INVS: variants seen among roughly 807,000 people sequenced by gnomAD.
INVS encodes inversin.
In INVS, 86 loss-of-function variants were observed where a neutral mutation model predicts 108.8. The ratio of observed to expected loss-of-function variants is 0.79; its 90% confidence interval spans 0.66 to 0.95. The LOEUF (loss-of-function observed/expected upper bound fraction) is 0.95. Ranked by LOEUF, INVS falls within the 40% of genes least tolerant of loss-of-function variation. The pLI is 0.00. For missense variants in INVS, 1,169 were observed against 1,297.4 expected (o/e 0.90, Z 1.52); for synonymous variants, 455 against 473.5 (o/e 0.96, Z 0.51).
At chr9:100,294,366 G>A in intron 14 of INVS, among the ~76,000 whole-genome samples, 1 of 152,208 alleles carries the variant, frequency 6.6e-6, no homozygotes, top group East Asian at 1.9e-4. Context: ...TCCAGGGAGA[G>A]GCCTCCGTTC....
intron 2 of INVS, among the ~76,000 whole-genome samples, chr9:100,107,316 T>G (rs1827211595): frequency 6.6e-6 from 1 of 152,184 alleles, no homozygotes; most frequent in African/African-American, 2.4e-5. Context: ...CCTTAAACAC[T>G]TTAGTTAATT....
In INVS at chr9:100,292,410, G is replaced by A; in HGVS notation, c.2153G>A (p.Gly718Glu). 6.2e-7 allele frequency: 1 copy of A among 1,614,174 alleles called. No homozygotes were observed. The highest frequency in any genetic ancestry group is 8.5e-7 in the Non-Finnish European group (1 of 1,180,038). The change falls in exon 14 of 17, where the codon GGA becomes GAA. Residue 718 changes from glycine (G) to glutamate (E), a missense_variant. Transcript: ENST00000262457. ...NEGSDGSRHP[G>E]VPSVEKSRGE... ...GGCAGTGATGGAAGCAGGCATCCAG[G>A]AGTTCCCTCTGTTGAGAAGTCCAGA...
intron 3 of INVS, among the ~76,000 whole-genome samples, chr9:100,196,738 TG>T (rs1489965518): frequency 6.7e-6 from 1 of 149,532 alleles, no homozygotes; most frequent in Non-Finnish European, 1.5e-5. Flanking sequence ...ATTACCTAAT[TG>T]TATACATAGT....
chr9:100,292,581 A>G lies in INVS; in HGVS notation c.2324A>G (p.Lys775Arg). 2 of 1,614,194 alleles carry G rather than the reference A, an allele frequency of 1.2e-6. No individual in the cohort carries two copies. The highest frequency in any genetic ancestry group is 2.2e-5 in the South Asian group (2 of 91,072). ...ASLPPHDSHW[K>R]PSRRHDTEPK... ...CTTCCACCGCACGATAGCCACTGGA[A>G]GCCCAGCAGGCGGCATGACACAGAA... The change falls in exon 14 of 17, where the codon AAG becomes AGG. Residue 775 changes from lysine to arginine, a missense_variant. Lys to Arg is a conservative substitution (Grantham distance 26). Coordinates refer to ENST00000262457, the MANE Select transcript of INVS (RefSeq NM_014425.5).
chr9:100,226,990 C>T (rs1831348389), intron 4 of INVS, among the ~76,000 whole-genome samples: 1 of 152,124 alleles, frequency 6.6e-6, no homozygotes, highest in South Asian at 2.1e-4. Flanking sequence ...TCCTGGGTTT[C>T]AACCCAGAAT....
intron 3 of INVS, chr9:100,129,679 T>G: frequency 1.4e-6 from 1 of 712,660 alleles, no homozygotes; most frequent in Non-Finnish European, 2.6e-6. Context: ...TTTGAAGGCA[T>G]TGAGAACAAT....
At chr9:100,293,085 CTGATATTCTCA>C in intron 14 of INVS, 42 bp downstream of exon 14, 1 of 1,542,628 alleles carries the variant, frequency 6.5e-7, no homozygotes, top group Non-Finnish European at 9.0e-7. Context: ...TTCTTTGTTA[CTGATATTCTCA>C]ACATGACATC....
intron 2 of INVS, chr9:100,117,151 G>A (rs1732911246): frequency 2.4e-6 from 3 of 1,227,588 alleles, no homozygotes; most frequent in Non-Finnish European, 3.5e-6. Flanking sequence ...CGGGGACAAT[G>A]GAGAGCTTGG....
At chr9:100,206,792 T>C (rs941178307) in intron 3 of INVS, among the ~76,000 whole-genome samples, 28 of 152,184 alleles carry the variant, frequency 1.8e-4, no homozygotes, top group African/African-American at 6.3e-4. Context: ...GTCTTTTTAG[T>C]CTTCATTAAT....
chr9:100,264,521 G>A lies in INVS; in HGVS notation c.1465-301G>A, dbSNP rs1450202469. ...TAATCCCAGCTACTTGGGAGGCTGA[G>A]GCAGGAGAATTGCTTGCACCTGGGA... On this transcript the variant is annotated intron_variant, in intron 10 of 16. Transcript: ENST00000262457. 2.0e-5 allele frequency among the ~76,000 whole-genome samples: 3 copies of A among 151,896 alleles called. No homozygotes were observed. In the East Asian group the frequency reaches 5.8e-4, roughly 29 times the overall value.
intron 2 of INVS, among the ~76,000 whole-genome samples, chr9:100,108,792 G>A (rs976831576): frequency 6.6e-6 from 1 of 152,114 alleles, no homozygotes; most frequent in African/African-American, 2.4e-5. Context: ...GAATTAAATC[G>A]AACACTTTCT....
At chr9:100,253,535 G>C (rs1325245598) in intron 10 of INVS, among the ~76,000 whole-genome samples, 3 of 151,740 alleles carry the variant, frequency 2.0e-5, no homozygotes, top group African/African-American at 7.3e-5. Context: ...ATTTATATTA[G>C]GAATATCTCC....
At chr9:100,171,876 A>G (rs1829553958) in intron 3 of INVS, among the ~76,000 whole-genome samples, 1 of 152,176 alleles carries the variant, frequency 6.6e-6, no homozygotes, top group African/African-American at 2.4e-5. Flanking sequence ...ACCTAGATTC[A>G]TGACTTAGGC....
At chr9:100,176,051 A>G in intron 3 of INVS, 1 of 505,452 alleles carries the variant, frequency 2.0e-6, no homozygotes, top group Non-Finnish European at 3.8e-6. Flanking sequence ...GCCTGAAGAT[A>G]TGTAAAGATG....
At chr9:100,263,542 T>C (rs1413686560) in intron 10 of INVS, among the ~76,000 whole-genome samples, 1 of 152,204 alleles carries the variant, frequency 6.6e-6, no homozygotes. Context: ...CCCTCCTGAC[T>C]CCCTGTTTCC....
chr9:100,255,156 G>A (rs983727327), intron 10 of INVS, among the ~76,000 whole-genome samples: 2 of 152,126 alleles, frequency 1.3e-5, no homozygotes, highest in Non-Finnish European at 2.9e-5. Flanking sequence ...TGGATTCCTA[G>A]GTATTTTATT....
chr9:100,161,015 TG>T (rs1456287933), intron 3 of INVS, among the ~76,000 whole-genome samples: 1 of 151,698 alleles, frequency 6.6e-6, no homozygotes, highest in Non-Finnish European at 1.5e-5. Context: ...CCACATTTAT[TG>T]TTTTCTTCCC....
In INVS at chr9:100,284,324, C is replaced by T. The variant is rs755288504; in HGVS notation, c.1789C>T (p.Arg597Ter). 10 of 1,613,158 alleles carry T rather than the reference C, an allele frequency of 6.2e-6. No individual in the cohort carries two copies. The highest frequency in any genetic ancestry group is 1.1e-5 in the South Asian group (1 of 91,078). The part of the protein sequence containing the change: ...QLRKDAAAKK[R>*]EEENKRKEAE... ...CTTCTTTGGCTTTGCTTCCAGAAAG[C>T]GAGAGGAAGAAAACAAACGAAAAGA... The change falls in exon 13 of 17, where the codon CGA (arginine) becomes TGA (stop). Residue 597 changes from arginine (R) to a stop codon, truncating the protein, a stop_gained. Transcript: ENST00000262457. LOFTEE classifies it high-confidence loss of function.
chr9:100,253,878 G>T (rs10989031), intron 10 of INVS, among the ~76,000 whole-genome samples: 4 of 152,142 alleles, frequency 2.6e-5, no homozygotes, highest in Admixed American at 2.6e-4. Flanking sequence ...ATAAACATAC[G>T]TGTGCATGTG....
Sources: allele counts gnomAD v4.1 joint callset (sites outside exome capture counted in the v4.1 genomes callset), GRCh38; gene constraint gnomAD v4.1.1; transcripts MANE v1.5; gene names NCBI Gene and HGNC (gene_info 2026-07-23, HGNC 2026-07-21).